The following SOHLH2 variants were observed in gnomAD, a reference collection of about 807,000 sequenced individuals.
SOHLH2 encodes the protein spermatogenesis and oogenesis specific basic helix-loop-helix 2.
Under a neutral mutation model 50.4 loss-of-function variants are expected in SOHLH2, and 22 were observed. The observed-to-expected ratio is 0.44, with a 90% confidence interval of 0.31 to 0.62. The LOEUF is 0.62. Ranked by LOEUF, SOHLH2 falls within the 20% of genes least tolerant of loss-of-function variation. SOHLH2 has a pLI of 0.08. For synonymous variants in SOHLH2, 185 were observed against 187.3 expected (o/e 0.99, Z 0.10); for missense variants, 412 against 504.4 (o/e 0.82, Z 1.76).
chr13:36,210,710 A>C (rs1869068395), intron 1 of SOHLH2, among the ~76,000 whole-genome samples: 1 of 152,174 alleles, frequency 6.6e-6, no homozygotes, highest in Non-Finnish European at 1.5e-5. Flanking sequence ...ACAGGATACC[A>C]ATTTAAACTC....
chr13:36,178,701 G>A (rs1887158067), intron 6 of SOHLH2, among the ~76,000 whole-genome samples: 1 of 152,066 alleles, frequency 6.6e-6, no homozygotes, highest in African/African-American at 2.4e-5. Context: ...TCAATTTGGT[G>A]AGAACTGAGA....
intron 6 of SOHLH2, chr13:36,182,947 A>C (rs1217085511): frequency 6.3e-6 from 1 of 158,356 alleles, no homozygotes; most frequent in African/African-American, 2.4e-5. Context: ...TTGGAGGTGG[A>C]ACCTGGTGGG....
intron 1 of SOHLH2, among the ~76,000 whole-genome samples, chr13:36,208,907 A>T (rs969823243): frequency 6.6e-6 from 1 of 152,250 alleles, no homozygotes; most frequent in African/African-American, 2.4e-5. Context: ...GCTAATGAAA[A>T]GAATAAGCTG....
At chr13:36,184,520 C>T (rs1377057840) in intron 6 of SOHLH2, among the ~76,000 whole-genome samples, 3 of 134,910 alleles carry the variant, frequency 2.2e-5, no homozygotes, top group African/African-American at 5.8e-5. Flanking sequence ...AGTACAGTGG[C>T]GCTATCTCGG....
chr13:36,212,508 G>A (rs576467937), intron 1 of SOHLH2, among the ~76,000 whole-genome samples: 29 of 152,190 alleles, frequency 1.9e-4, no homozygotes, highest in African/African-American at 6.7e-4. Context: ...AAGATCTATT[G>A]ACAAAAAGAA....
chr13:36,185,018 G>T (rs909215232), intron 6 of SOHLH2, among the ~76,000 whole-genome samples: 1 of 151,970 alleles, frequency 6.6e-6, no homozygotes. Flanking sequence ...GAGACCATGC[G>T]GTATTTGGTT....
In SOHLH2 at chr13:36,176,371, C is replaced by T. The variant is rs117551319; in HGVS notation, c.642-1502G>A. Among the ~76,000 whole-genome samples, 703 of 152,142 alleles carry T rather than the reference C, an allele frequency of 4.6e-3. 4 individuals carry two copies. The highest frequency in any genetic ancestry group is 7.4e-3 in the Non-Finnish European group (505 of 67,988). Reference sequence around the variant, plus strand: ...AATTTTCCAACATTAGAAAAATGTTCGAACATAGAGAAAATTTGAAAGAAT... The same window carrying T: ...AATTTTCCAACATTAGAAAAATGTTTGAACATAGAGAAAATTTGAAAGAAT... On this transcript the variant is annotated intron_variant, in intron 6 of 10. Coordinates refer to ENST00000379881, the MANE Select transcript of SOHLH2 (RefSeq NM_017826.3).
At chr13:36,175,472 T>C (rs1887074237) in intron 6 of SOHLH2, among the ~76,000 whole-genome samples, 1 of 152,214 alleles carries the variant, frequency 6.6e-6, no homozygotes, top group South Asian at 2.1e-4. Context: ...GATGCAGGTA[T>C]CAGAAAGAAA....
intron 1 of SOHLH2, among the ~76,000 whole-genome samples, chr13:36,203,124 T>C (rs78659786): frequency 0.09 from 13,664 of 152,276 alleles, 641 homozygotes; most frequent in East Asian, 0.13. Flanking sequence ...CATATCCTAA[T>C]TCAATCCCTT....
intron 6 of SOHLH2, among the ~76,000 whole-genome samples, chr13:36,178,056 G>A (rs1175265026): frequency 6.6e-6 from 1 of 151,498 alleles, no homozygotes; most frequent in Non-Finnish European, 1.5e-5. Flanking sequence ...CAATAGACGT[G>A]AGTCTATTTA....
chr13:36,173,530 A>G (rs1445121452), intron 9 of SOHLH2, among the ~76,000 whole-genome samples, 162 bp downstream of exon 9: 1 of 152,218 alleles, frequency 6.6e-6, no homozygotes, highest in Non-Finnish European at 1.5e-5. Flanking sequence ...AACACTATTT[A>G]AACAACTGTA....
Position 36,193,840 on chromosome 13 carries a change from T to A in SOHLH2, c.291A>T (p.Ser97=). ...IRFGKKKNTH[S]LFVFIIPENF... ...TTTCAGGGATTATAAAAACAAACAG[T>A]GAATGTGTATTTTTCTTTTTGCCAA... The change falls in exon 3 of 11, where the codon TCA becomes TCT. Residue 97 remains serine, a synonymous_variant. Transcript: ENST00000379881. The A allele has an allele frequency of 6.2e-7, 1 of 1,602,412 alleles. No homozygotes were observed. Among genetic ancestry groups the A allele is most frequent in the Non-Finnish European group, 8.5e-7 (1 of 1,177,206 alleles).
intron 6 of SOHLH2, among the ~76,000 whole-genome samples, chr13:36,187,666 T>A (rs1887457394): frequency 6.6e-6 from 1 of 152,152 alleles, no homozygotes; most frequent in Non-Finnish European, 1.5e-5. Context: ...CTTGCTCAAC[T>A]TCCTCCCTGA....
At chr13:36,180,039 G>A (rs1887205542) in intron 6 of SOHLH2, among the ~76,000 whole-genome samples, 1 of 152,068 alleles carries the variant, frequency 6.6e-6, no homozygotes, top group Non-Finnish European at 1.5e-5. Context: ...TTTCTCTTTG[G>A]TAAGGTTTTG....
chr13:36,179,010 G>A (rs970475619), intron 6 of SOHLH2, among the ~76,000 whole-genome samples: 14 of 151,952 alleles, frequency 9.2e-5, no homozygotes, highest in East Asian at 7.7e-4. Flanking sequence ...TTTTGTAAAC[G>A]TCTTAGGACT....
In SOHLH2 at chr13:36,190,792, C is replaced by T. The variant is rs1394672062; in HGVS notation, c.531-736G>A. On this transcript the variant is annotated intron_variant, in intron 5 of 10. Coordinates refer to ENST00000379881, the MANE Select transcript of SOHLH2 (RefSeq NM_017826.3). ...AAATTAAGACCTTCCAAAACCTTTC[C>T]CAACCCCATATCCTAGATAAGGGTT... Among the ~76,000 whole-genome samples, 3 of 152,106 alleles carry T rather than the reference C, an allele frequency of 2.0e-5. No homozygotes were observed. The East Asian group carries it at 5.8e-4, about 29-fold the overall frequency.
At chr13:36,171,495 G>A (rs376229386) in intron 9 of SOHLH2, among the ~76,000 whole-genome samples, 1 of 152,146 alleles carries the variant, frequency 6.6e-6, no homozygotes, top group Admixed American at 6.6e-5. Flanking sequence ...TAGTGAAAGC[G>A]AAATTTGGAA....
chr13:36,174,624 G>A (rs889814041), intron 7 of SOHLH2, 57 bp from the exon 8 acceptor site: 1 of 1,605,552 alleles, frequency 6.2e-7, no homozygotes, highest in Non-Finnish European at 8.5e-7. Flanking sequence ...TAGATACAAA[G>A]ACACATACTT....
intron 2 of SOHLH2, among the ~76,000 whole-genome samples, chr13:36,194,639 A>T (rs1475467553): frequency 1.3e-5 from 2 of 152,204 alleles, no homozygotes; most frequent in African/African-American, 4.8e-5. Context: ...GTGGCATTAT[A>T]GTTCACTAAA....
Sources: gnomAD v4.1 joint callset for allele counts (sites outside exome capture counted in the v4.1 genomes callset) on GRCh38, gnomAD v4.1.1 for gene constraint, MANE v1.5 for transcripts, NCBI Gene and HGNC (gene_info 2026-07-23, HGNC 2026-07-21) for gene names.